KLRG1: variants seen among roughly 807,000 people sequenced by gnomAD.
KLRG1 encodes killer cell lectin-like receptor subfamily G member 1.
Under a neutral mutation model 21.8 loss-of-function variants are expected in KLRG1, and 16 were observed. The ratio of observed to expected loss-of-function variants is 0.73; its 90% CI spans 0.50 to 1.11. The LOEUF (loss-of-function observed/expected upper bound fraction) is 1.11. KLRG1 is among the 50% of genes most tolerant of loss of function. The pLI is 0.00. For synonymous variants in KLRG1, 69 were observed against 75.9 expected (o/e 0.91, Z 0.47); for missense variants, 173 against 218.3 (o/e 0.79, Z 1.31).
the KLRG1 span, among the ~76,000 whole-genome samples, chr12:9,194,510 G>GCCGGA: frequency 9.0e-5 from 13 of 144,208 alleles, no homozygotes; most frequent in African/African-American, 3.1e-4. Context: ...TGTCGCCCAG[G>GCCGGA]CTGGAGTGCA....
Position 9,009,028 on chromosome 12 carries a change from C to A in KLRG1, c.411C>A (p.Asn137Lys), listed in dbSNP as rs1448976733. 1 of 1,613,832 alleles carries A rather than the reference C, an allele frequency of 6.2e-7. No homozygotes were observed. Among genetic ancestry groups the A allele is most frequent in the South Asian group, 1.1e-5 (1 of 91,076 alleles). ...CCTTTTGCTGGATTGGTCTGAGGAA[C>A]AATTCTGGCTGGAGGTGGGAAGATG... ...SEAFCWIGLR[N>K]NSGWRWEDGS... The change falls in exon 4 of 5, where the codon AAC (asparagine) becomes AAA (lysine). Residue 137 changes from asparagine (N) to lysine (K), a missense_variant. Asn to Lys is a moderately conservative substitution (Grantham distance 94). Transcript: ENST00000356986.
At chr12:9,175,414 T>C in the KLRG1 span, among the ~76,000 whole-genome samples, 1 of 152,176 alleles carries the variant, frequency 6.6e-6, no homozygotes, top group African/African-American at 2.4e-5. Flanking sequence ...AAAGATTTCA[T>C]GATGAAAATG....
intron 3 of KLRG1, among the ~76,000 whole-genome samples, chr12:9,003,584 C>T (rs989224576): frequency 1.3e-5 from 2 of 151,842 alleles, no homozygotes; most frequent in Non-Finnish European, 1.5e-5. Context: ...TTTCATCTGT[C>T]GTATACTTCA....
At chr12:9,148,976 A>G in the KLRG1 span, 138 of 1,610,894 alleles carry the variant, frequency 8.6e-5, 1 homozygote, top group East Asian at 2.0e-3. Flanking sequence ...TGGTCCTCAA[A>G]CATTTCCATG....
At chr12:8,976,765 G>T (rs1460498686) in intron 1 of KLRG1, among the ~76,000 whole-genome samples, 5 of 150,766 alleles carry the variant, frequency 3.3e-5, no homozygotes, top group Admixed American at 6.6e-5. Flanking sequence ...TTTTTTTTGA[G>T]ACAGAGTTTT....
the KLRG1 span, chr12:9,158,627 C>G: frequency 6.3e-7 from 1 of 1,587,390 alleles, no homozygotes; most frequent in African/African-American, 1.3e-5. Context: ...GAGCACTTTA[C>G]TGCTCTGTTT....
the KLRG1 span, chr12:9,196,951 A>T: frequency 1.0e-5 from 13 of 1,274,662 alleles, no homozygotes; most frequent in Non-Finnish European, 1.2e-5. Context: ...TCTAGTTAGT[A>T]AAATGGAGTC....
At chr12:9,072,811 C>T in the KLRG1 span, 1 of 1,614,158 alleles carries the variant, frequency 6.2e-7, no homozygotes, top group Non-Finnish European at 8.5e-7. Context: ...GCAGCCTTCC[C>T]AGTCCTGGTA....
Position 9,010,014 on chromosome 12 carries a change from C to G in KLRG1, c.*477C>G, listed in dbSNP as rs1449985426. On this transcript the variant is annotated 3_prime_UTR_variant, in exon 5 of 5. Transcript: ENST00000356986. ...ATCCTAACAGTGTCCCTTTGCAGAT[C>G]AAGCTTTATTCTGAAGAATAAACCT... 1 of 1,534,238 alleles carries G rather than the reference C, an allele frequency of 6.5e-7. No individual in the cohort carries two copies. Among genetic ancestry groups the G allele is most frequent in the South Asian group, 1.2e-5 (1 of 83,994 alleles).
the KLRG1 span, chr12:9,157,060 A>G: frequency 9.4e-6 from 9 of 954,240 alleles, no homozygotes; most frequent in South Asian, 5.5e-5. Flanking sequence ...TGCATTAGCT[A>G]TCTATCCTGA....
At chr12:9,094,847 A>G in the KLRG1 span, 2 of 447,778 alleles carry the variant, frequency 4.5e-6, no homozygotes, top group African/African-American at 4.0e-5. Context: ...ACCTTGAGCA[A>G]TAACCTTAAT....
the KLRG1 span, among the ~76,000 whole-genome samples, chr12:9,184,804 G>A: frequency 6.6e-6 from 1 of 152,178 alleles, no homozygotes; most frequent in African/African-American, 2.4e-5. Flanking sequence ...GTCCTGAACT[G>A]AGCCTTGCTC....
At chr12:9,090,266 T>G in the KLRG1 span, 1 of 1,585,462 alleles carries the variant, frequency 6.3e-7, no homozygotes, top group Non-Finnish European at 8.6e-7. Flanking sequence ...CTAGTGGTCT[T>G]TTCCTGAAGG....
chr12:9,205,918 C>T, the KLRG1 span, among the ~76,000 whole-genome samples: 13 of 152,116 alleles, frequency 8.5e-5, no homozygotes, highest in Non-Finnish European at 1.6e-4. Flanking sequence ...CTCCAGCACA[C>T]CAGTCTTGCT....
At chr12:9,163,610 G>A in the KLRG1 span, 1 of 1,584,500 alleles carries the variant, frequency 6.3e-7, no homozygotes, top group Admixed American at 1.7e-5. Context: ...GTTGTCTCAA[G>A]AGTGACCGCC....
the KLRG1 span, among the ~76,000 whole-genome samples, chr12:9,021,008 T>C: frequency 6.6e-6 from 1 of 152,310 alleles, no homozygotes; most frequent in East Asian, 1.9e-4. Flanking sequence ...TACTAAATAC[T>C]GTGGACAATT....
the KLRG1 span, chr12:9,090,260 T>A: frequency 2.5e-6 from 4 of 1,570,150 alleles, no homozygotes; most frequent in Non-Finnish European, 3.5e-6. Flanking sequence ...CAGCATCTAG[T>A]GGTCTTTTCC....
At chr12:9,106,415 C>T in the KLRG1 span, 1 of 1,431,836 alleles carries the variant, frequency 7.0e-7, no homozygotes, top group Non-Finnish European at 9.8e-7. Flanking sequence ...CACCTCCCCC[C>T]AACTTACAAT....
intron 1 of KLRG1, among the ~76,000 whole-genome samples, chr12:8,971,602 T>C (rs1377417612): frequency 8.1e-6 from 1 of 123,214 alleles, no homozygotes; most frequent in Non-Finnish European, 1.6e-5. Context: ...GCGATTCTCC[T>C]GCCTCAGCCT....
Sources: gnomAD v4.1 joint callset for allele counts (sites outside exome capture counted in the v4.1 genomes callset) on GRCh38, gnomAD v4.1.1 for gene constraint, MANE v1.5 for transcripts, NCBI Gene and HGNC (gene_info 2026-07-23, HGNC 2026-07-21) for gene names.